Variants in MPPED2 observed in about 807,000 individuals in gnomAD.
MPPED2 encodes metallophosphoesterase domain containing 2.
MPPED2 carries 5 observed loss-of-function variants against 33.0 expected under a neutral mutation model. The observed-to-expected ratio is 0.15, with a 90% CI of 0.08 to 0.32. The LOEUF is 0.32. Ranked by LOEUF, MPPED2 falls within the 10% of genes least tolerant of loss-of-function variation. MPPED2 has a pLI of 1.00. For missense variants in MPPED2, 275 were observed against 372.1 expected (o/e 0.74, Z 2.15); for synonymous variants, 136 against 141.9 (o/e 0.96, Z 0.29).
chr11:30,392,241 A>C (rs1401011785), intron 6 of MPPED2, among the ~76,000 whole-genome samples: 1 of 152,198 alleles, frequency 6.6e-6, no homozygotes, highest in African/African-American at 2.4e-5. Context: ...TCTTTGCCAG[A>C]AGCCACAAAA....
intron 2 of MPPED2, among the ~76,000 whole-genome samples, chr11:30,561,941 G>A (rs1209604467): frequency 6.6e-6 from 1 of 152,104 alleles, no homozygotes; most frequent in African/African-American, 2.4e-5. Flanking sequence ...CAAAAATGGT[G>A]GTGCCTTTGA....
At chr11:30,395,823 T>C (rs925571205) in intron 6 of MPPED2, among the ~76,000 whole-genome samples, 1 of 152,186 alleles carries the variant, frequency 6.6e-6, no homozygotes, top group African/African-American at 2.4e-5. Flanking sequence ...TTGCAATCAA[T>C]CTTTTCAGAA....
chr11:30,584,394 G>C (rs1287636960), intron 1 of MPPED2, among the ~76,000 whole-genome samples: 1 of 140,280 alleles, frequency 7.1e-6, no homozygotes, highest in Non-Finnish European at 1.5e-5. Flanking sequence ...CACTCGCCCT[G>C]CCCTTCTAGG....
chr11:30,538,261 T>C (rs1029639553), intron 2 of MPPED2, among the ~76,000 whole-genome samples: 2 of 152,170 alleles, frequency 1.3e-5, no homozygotes, highest in Admixed American at 1.3e-4. Context: ...CCATTTCTCC[T>C]TTTCTGTAAC....
chr11:30,498,226 T>C (rs1478576523), intron 3 of MPPED2, among the ~76,000 whole-genome samples: 1 of 151,446 alleles, frequency 6.6e-6, no homozygotes, highest in Non-Finnish European at 1.5e-5. Context: ...CCTGCTTGTA[T>C]AAAAAAAACC....
At position 30,417,540 on chromosome 11, in the gene MPPED2, G is replaced by A. The variant is rs139073289; in HGVS notation, c.630C>T (p.Leu210=). Residue 210 remains leucine, a synonymous_variant, in exon 5 of 7, where the codon CTC becomes CTT. Coordinates refer to ENST00000358117, the MANE Select transcript of MPPED2 (RefSeq NM_001584.3). ...TACCTAGAGGAGGTCCATGTGTCAT[G>A]AGTATGTCAATGCCCTCAGGGATGA... ...WNLIPEGIDI[L]MTHGPPLGFR... 288 of 1,610,888 alleles carry A rather than the reference G, an allele frequency of 1.8e-4. No homozygotes were observed. Among genetic ancestry groups the A allele is most frequent in the Admixed American group, 4.7e-4 (28 of 59,952 alleles).
chr11:30,581,256 G>A, intron 1 of MPPED2, among the ~76,000 whole-genome samples: 1 of 152,164 alleles, frequency 6.6e-6, no homozygotes, highest in Non-Finnish European at 1.5e-5. Flanking sequence ...AAGAAGGGCG[G>A]CCATTACATC....
At chr11:30,575,195 A>G (rs1956874438) in intron 2 of MPPED2, among the ~76,000 whole-genome samples, 1 of 152,168 alleles carries the variant, frequency 6.6e-6, no homozygotes, top group African/African-American at 2.4e-5. Flanking sequence ...GCCAAGCAAC[A>G]CTGACAGATA....
chr11:30,448,816 C>T (rs1949925671), intron 4 of MPPED2, among the ~76,000 whole-genome samples: 1 of 151,950 alleles, frequency 6.6e-6, no homozygotes, highest in African/African-American at 2.4e-5. Flanking sequence ...CACCACCACG[C>T]CTGGCTAATT....
intron 1 of MPPED2, among the ~76,000 whole-genome samples, chr11:30,582,152 C>T (rs1349125761): frequency 6.6e-6 from 1 of 152,168 alleles, no homozygotes; most frequent in Non-Finnish European, 1.5e-5. Context: ...ACACCTGCTT[C>T]AAATTGCAGT....
chr11:30,553,175 C>T (rs891590798), intron 2 of MPPED2, among the ~76,000 whole-genome samples: 5 of 152,122 alleles, frequency 3.3e-5, no homozygotes, highest in Non-Finnish European at 1.5e-5. Flanking sequence ...GTTCCATCAC[C>T]ACTCAACACC....
At chr11:30,386,470 C>T in exon 7 of MPPED2, 1 of 329,756 alleles carries the variant, frequency 3.0e-6, no homozygotes, top group Non-Finnish European at 5.5e-6. Context: ...AGGGTATAAG[C>T]TGTAAGCCTT....
intron 3 of MPPED2, among the ~76,000 whole-genome samples, chr11:30,532,832 C>T (rs991283763): frequency 6.6e-6 from 1 of 152,112 alleles, no homozygotes; most frequent in Admixed American, 6.6e-5. Flanking sequence ...AATGACTTTG[C>T]CTGTTACTCC....
chr11:30,426,639 A>C (rs1031395763), intron 4 of MPPED2, among the ~76,000 whole-genome samples: 7 of 152,244 alleles, frequency 4.6e-5, no homozygotes, highest in African/African-American at 1.7e-4. Context: ...GAAATTGAAT[A>C]CAGTTTCCAG....
At chr11:30,397,728 C>T (rs1947856079) in intron 6 of MPPED2, among the ~76,000 whole-genome samples, 6 of 152,118 alleles carry the variant, frequency 3.9e-5, no homozygotes. Flanking sequence ...AAGAAACAGG[C>T]TCCAAGAGAT....
intron 2 of MPPED2, among the ~76,000 whole-genome samples, chr11:30,541,552 T>C (rs1172601878): frequency 6.6e-6 from 1 of 152,176 alleles, no homozygotes; most frequent in Non-Finnish European, 1.5e-5. Context: ...GCAACCCCCA[T>C]TCCACTTTAA....
At chr11:30,567,493 G>T (rs1956497385) in intron 2 of MPPED2, among the ~76,000 whole-genome samples, 1 of 151,982 alleles carries the variant, frequency 6.6e-6, no homozygotes, top group Admixed American at 6.6e-5. Flanking sequence ...ATCAGGGGGT[G>T]CTTTTTTTCC....
intron 3 of MPPED2, among the ~76,000 whole-genome samples, chr11:30,505,924 A>G (rs895853301): frequency 6.6e-6 from 1 of 152,244 alleles, no homozygotes; most frequent in African/African-American, 2.4e-5. Context: ...GGAAAAAAGA[A>G]AAAGAATAAT....
intron 4 of MPPED2, among the ~76,000 whole-genome samples, chr11:30,443,069 A>T (rs1221704263): frequency 6.6e-6 from 1 of 152,074 alleles, no homozygotes; most frequent in Non-Finnish European, 1.5e-5. Flanking sequence ...CTTCAGACAC[A>T]ATATAAATTT....
Sources: allele counts gnomAD v4.1 joint callset (sites outside exome capture counted in the v4.1 genomes callset), GRCh38; gene constraint gnomAD v4.1.1; transcripts MANE v1.5; gene names NCBI Gene and HGNC (gene_info 2026-07-23, HGNC 2026-07-21).